HORMAD2: variants seen among roughly 807,000 people sequenced by gnomAD.
HORMAD2 encodes HORMA domain containing 2, also known as HORMA domain-containing protein 2.
HORMAD2 carries 45 observed loss-of-function variants against 38.8 expected under a neutral mutation model. The ratio of observed to expected loss-of-function variants is 1.16; its 90% CI spans 0.91 to 1.49. HORMAD2 has a LOEUF of 1.49. HORMAD2 is among the 40% of genes most tolerant of loss of function. The pLI is 0.00. For missense variants in HORMAD2, 338 were observed against 367.0 expected (o/e 0.92, Z 0.65); for synonymous variants, 126 against 122.8 (o/e 1.03, Z -0.17).
the HORMAD2 span, chr22:30,206,952 C>G: frequency 2.4e-6 from 1 of 410,082 alleles, no homozygotes; most frequent in South Asian, 1.8e-5. Flanking sequence ...CCCGGCAATT[C>G]CCCCACCCGC....
the HORMAD2 span, chr22:30,207,079 T>A: frequency 2.1e-6 from 1 of 470,692 alleles, no homozygotes; most frequent in Non-Finnish European, 4.4e-6. Flanking sequence ...TGTTTGGACA[T>A]CCCAGCTCAG....
intron 7 of HORMAD2, among the ~76,000 whole-genome samples, chr22:30,116,809 T>A (rs565684526): frequency 1.3e-5 from 2 of 152,242 alleles, no homozygotes; most frequent in South Asian, 4.1e-4. Flanking sequence ...TGTTACAATT[T>A]AAAAAAACAA....
In HORMAD2 at chr22:30,176,974, T is replaced by A. The variant is rs1926493252; in HGVS notation, c.*807T>A. 6.5e-6 allele frequency: 1 copy of A among 152,698 alleles called. No homozygotes were observed. The highest frequency in any genetic ancestry group is 2.4e-5 in the African/African-American group (1 of 41,426). 9.5% of individuals were successfully genotyped at this position (152,698 alleles called of 1,614,324 possible). A position where few individuals can be genotyped will look rare whatever the true frequency, so the allele number is the denominator to read the frequency against. On this transcript the variant is annotated 3_prime_UTR_variant, in exon 11 of 11. Coordinates refer to ENST00000336726, the MANE Select transcript of HORMAD2 (RefSeq NM_152510.4). ...ATTATTTATATAACATGAGATTTAG[T>A]AACTTATAAAATGAGGTTTAGTAAT...
chr22:30,089,355 CT>C (rs749436345), intron 1 of HORMAD2, among the ~76,000 whole-genome samples: 275 of 140,100 alleles, frequency 2.0e-3, no homozygotes, highest in South Asian at 5.6e-3. Context: ...GCTGCTGCTT[CT>C]TTTTTTTTTT....
At chr22:30,110,155 T>C (rs144220423) in intron 5 of HORMAD2, among the ~76,000 whole-genome samples, 28 of 152,278 alleles carry the variant, frequency 1.8e-4, no homozygotes, top group African/African-American at 6.5e-4. Context: ...ATAAGTAATC[T>C]AGAAATGATT....
chr22:30,121,853 A>T (rs1186482754), intron 9 of HORMAD2, 64 bp downstream of exon 9: 5 of 1,542,186 alleles, frequency 3.2e-6, no homozygotes, highest in Non-Finnish European at 4.4e-6. Flanking sequence ...TATAAGTAAA[A>T]GGATTTTGCA....
chr22:30,198,765 C>T, the HORMAD2 span, among the ~76,000 whole-genome samples: 2 of 152,272 alleles, frequency 1.3e-5, no homozygotes, highest in Middle Eastern at 6.8e-3. Context: ...CAAAAAAGTT[C>T]TTCCTAAAAT....
chr22:30,134,546 C>G (rs1339909351), intron 10 of HORMAD2, among the ~76,000 whole-genome samples: 1 of 150,388 alleles, frequency 6.6e-6, no homozygotes, highest in African/African-American at 2.4e-5. Context: ...TTTTCTTTAC[C>G]ATTGTCAGAA....
the HORMAD2 span, among the ~76,000 whole-genome samples, chr22:30,191,617 A>G: frequency 6.6e-6 from 1 of 152,248 alleles, no homozygotes; most frequent in Non-Finnish European, 1.5e-5. Context: ...AGGGAACTTC[A>G]GTGCAGGTGG....
At chr22:30,094,058 A>G in intron 2 of HORMAD2, 55 bp downstream of exon 2, 2 of 1,240,886 alleles carry the variant, frequency 1.6e-6, no homozygotes, top group Non-Finnish European at 2.3e-6. Flanking sequence ...TTAGTTCAGA[A>G]TTATGATTTT....
intron 3 of HORMAD2, among the ~76,000 whole-genome samples, chr22:30,100,257 A>C (rs1920933609): frequency 6.6e-6 from 1 of 152,212 alleles, no homozygotes; most frequent in African/African-American, 2.4e-5. Flanking sequence ...ATGGAACAGA[A>C]CAGAGGCCTC....
intron 1 of HORMAD2, among the ~76,000 whole-genome samples, chr22:30,083,539 T>G (rs896643264): frequency 1.3e-5 from 2 of 152,200 alleles, no homozygotes; most frequent in Non-Finnish European, 2.9e-5. Context: ...GCAGGGTTTG[T>G]ACTTAAATAG....
At chr22:30,124,570 A>G (rs1451604650) in intron 10 of HORMAD2, among the ~76,000 whole-genome samples, 5 of 152,056 alleles carry the variant, frequency 3.3e-5, no homozygotes, top group Admixed American at 3.3e-4. Flanking sequence ...GGATGAGTAC[A>G]TCTACTCGTT....
chr22:30,103,497 G>A lies in HORMAD2; in HGVS notation c.254G>A (p.Arg85Lys), dbSNP rs79579526. Residue 85 changes from arginine to lysine, a missense_variant, in exon 4 of 11, where the codon AGA becomes AAA. Transcript: ENST00000336726. ...KKCPGSLHII[R>K]WIQGCFDALE... The stretch of plus-strand genomic sequence containing the variant: ...TGTCCCGGGTCACTGCATATTATCA[G>A]ATGGTAAGTAATAGAAATTCTATAA... 4.1e-4 allele frequency: 602 copies of A among 1,476,086 alleles called. No homozygotes were observed. The highest frequency in any genetic ancestry group is 8.5e-4 in the Middle Eastern group (5 of 5,854). 91.4% of individuals were successfully genotyped at this position (1,476,086 alleles called of 1,614,324 possible).
At chr22:30,109,214 C>T (rs1003133538) in intron 5 of HORMAD2, among the ~76,000 whole-genome samples, 5 of 151,548 alleles carry the variant, frequency 3.3e-5, no homozygotes, top group Non-Finnish European at 7.4e-5. Context: ...TTAGTAGAGA[C>T]GGGGTTTCAC....
chr22:30,122,691 T>C (rs1361821125), intron 10 of HORMAD2, among the ~76,000 whole-genome samples: 7 of 152,058 alleles, frequency 4.6e-5, no homozygotes, highest in African/African-American at 1.2e-4. Flanking sequence ...AAGACAAGCT[T>C]TGGGGCTAAC....
At chr22:30,083,142 C>T (rs2068514383) in intron 1 of HORMAD2, among the ~76,000 whole-genome samples, 1 of 151,616 alleles carries the variant, frequency 6.6e-6, no homozygotes, top group South Asian at 2.1e-4. Flanking sequence ...GGCACATGGC[C>T]TCTAGTACTA....
chr22:30,153,564 C>T (rs1031490421), intron 10 of HORMAD2, among the ~76,000 whole-genome samples: 6 of 152,132 alleles, frequency 3.9e-5, no homozygotes, highest in Non-Finnish European at 7.4e-5. Flanking sequence ...TCCAGAATGC[C>T]TTTCTTTCCA....
intron 3 of HORMAD2, among the ~76,000 whole-genome samples, chr22:30,099,830 T>C (rs186177638): frequency 6.6e-6 from 1 of 152,294 alleles, no homozygotes; most frequent in Admixed American, 6.5e-5. Context: ...GATATTGCAA[T>C]GAGCCAAGAT....
Sources: gnomAD v4.1 joint callset for allele counts (sites outside exome capture counted in the v4.1 genomes callset) on GRCh38, gnomAD v4.1.1 for gene constraint, MANE v1.5 for transcripts, NCBI Gene and HGNC (gene_info 2026-07-23, HGNC 2026-07-21) for gene names.